The following PTPRN2 variants were observed in gnomAD, a reference collection of about 807,000 sequenced individuals.
PTPRN2 encodes the protein receptor-type tyrosine-protein phosphatase N2.
PTPRN2 carries 74 observed loss-of-function variants against 118.8 expected under a neutral mutation model. The ratio of observed to expected loss-of-function variants is 0.62; its 90% CI spans 0.52 to 0.76. PTPRN2 has a LOEUF of 0.76. Among genes scored for constraint, PTPRN2 ranks in the 30% least tolerant of loss-of-function variants. PTPRN2 has a pLI of 0.00. For missense variants in PTPRN2, 1,481 were observed against 1,394.4 expected, an observed-to-expected ratio of 1.06 and a Z score of -0.99; for synonymous variants, 641 against 608.0, an observed-to-expected ratio of 1.05 and a Z score of -0.80.
At chr7:158,271,778 C>T (rs1798530116) in intron 3 of PTPRN2, among the ~76,000 whole-genome samples, 1 of 152,146 alleles carries the variant, frequency 6.6e-6, no homozygotes, top group African/African-American at 2.4e-5. Context: ...CATCTCACAG[C>T]AGAAGGGGTG....
At chr7:157,877,179 G>A (rs528379765) in intron 12 of PTPRN2, among the ~76,000 whole-genome samples, 1 of 151,022 alleles carries the variant, frequency 6.6e-6, no homozygotes, top group South Asian at 2.1e-4. Flanking sequence ...TGCAGCACCA[G>A]GGTTTCCTCG....
intron 12 of PTPRN2, among the ~76,000 whole-genome samples, chr7:157,797,020 C>A (rs551622483): frequency 2.0e-5 from 3 of 152,228 alleles, no homozygotes; most frequent in Non-Finnish European, 4.4e-5. Context: ...GACGAACTCA[C>A]GGCTCAGCTG....
At chr7:157,600,064 T>C (rs866091461) in intron 16 of PTPRN2, among the ~76,000 whole-genome samples, 112 of 41,532 alleles carry the variant, frequency 2.7e-3, no homozygotes, top group Admixed American at 4.3e-3. Flanking sequence ...TCCACCTGCC[T>C]ACCTCTCCAC....
intron 12 of PTPRN2, among the ~76,000 whole-genome samples, chr7:157,887,070 C>T (rs1218894863): frequency 6.6e-6 from 1 of 152,096 alleles, no homozygotes; most frequent in African/African-American, 2.4e-5. Context: ...TGAGCCCACC[C>T]ATGACAGGCC....
At chr7:158,268,282 C>CA (rs1798018362) in intron 3 of PTPRN2, among the ~76,000 whole-genome samples, 1 of 147,322 alleles carries the variant, frequency 6.8e-6, no homozygotes, top group Non-Finnish European at 1.5e-5. Flanking sequence ...TATCCCAGCC[C>CA]AGACGCGTGC....
chr7:157,619,923 G>A lies in PTPRN2; in HGVS notation c.2344+1439C>T, dbSNP rs528940125. Among the ~76,000 whole-genome samples the A allele has an allele frequency of 6.6e-6, 1 of 152,190 alleles. No homozygotes were observed. The highest frequency in any genetic ancestry group is 2.4e-5 in the African/African-American group (1 of 41,434). On this transcript the variant is annotated intron_variant, in intron 15 of 22. Coordinates refer to ENST00000389418, the MANE Select transcript of PTPRN2 (RefSeq NM_002847.5). The surrounding 1 kb of genome is among the most constrained non-coding windows in gnomAD (Gnocchi z 5.3). ...AGGGTTGAGGCAGGGACACAGTGAC[G>A]GAGAGACGGCCTCGGCCACAGGGGA...
At chr7:157,722,125 C>T (rs531968086) in intron 12 of PTPRN2, among the ~76,000 whole-genome samples, 5 of 152,214 alleles carry the variant, frequency 3.3e-5, no homozygotes, top group Admixed American at 2.0e-4. Flanking sequence ...TGGCCCCCAC[C>T]CTCACGTGTC....
chr7:157,950,089 CTTTAAAG>C (rs1009912921), intron 11 of PTPRN2, among the ~76,000 whole-genome samples: 1 of 152,316 alleles, frequency 6.6e-6, no homozygotes, highest in Non-Finnish European at 1.5e-5. Context: ...TAAAATAAAA[CTTTAAAG>C]TTTGTGTTAT....
chr7:158,346,321 G>A (rs1289133702), intron 2 of PTPRN2, among the ~76,000 whole-genome samples: 1 of 152,118 alleles, frequency 6.6e-6, no homozygotes, highest in Non-Finnish European at 1.5e-5. Context: ...GGCGACCTCA[G>A]TTCTACTCTC....
At position 157,779,920 on chromosome 7, in the gene PTPRN2, C is replaced by T. The variant is rs1471392060; in HGVS notation, c.1789-96983G>A. Among the ~76,000 whole-genome samples the T allele has an allele frequency of 4.6e-5, 7 of 152,130 alleles. No individual in the cohort carries two copies. Among genetic ancestry groups the T allele is most frequent in the African/African-American group, 1.4e-4 (6 of 41,416 alleles). ...CGTACAACACGCCGCAAGCAGCCCT[C>T]GAGGAATGGAAAACTCTCAGACTGC... On this transcript the variant is annotated intron_variant, in intron 12 of 22. Transcript: ENST00000389418. The surrounding 1 kb of genome is among the most constrained non-coding windows in gnomAD (Gnocchi z 4.7).
intron 12 of PTPRN2, among the ~76,000 whole-genome samples, chr7:157,747,782 G>A (rs1470841723): frequency 1.6e-5 from 2 of 127,890 alleles, no homozygotes; most frequent in East Asian, 2.7e-4. Flanking sequence ...TGAGGCCTGC[G>A]TCCCTGAGCT....
At position 157,615,343 on chromosome 7, in the gene PTPRN2, C is replaced by A. The variant is rs1465852055; in HGVS notation, c.2344+6019G>T. On this transcript the variant is annotated intron_variant, in intron 15 of 22. Transcript: ENST00000389418. The surrounding 1 kb of genome is among the most constrained non-coding windows in gnomAD (Gnocchi z 4.3). ...GTCTGCGCTGGGGTAGTGTAGGCTG[C>A]ACTCTCCGGGGAGCCGCTGACCTTG... 4.6e-6 allele frequency: 2 copies of A among 430,256 alleles called. No homozygotes were observed. Among genetic ancestry groups the A allele is most frequent in the Non-Finnish European group, 9.7e-6 (2 of 205,266 alleles). 26.7% of individuals were successfully genotyped at this position (430,256 alleles called of 1,614,324 possible).
chr7:158,300,663 A>G (rs1437462818), intron 3 of PTPRN2, among the ~76,000 whole-genome samples: 1 of 139,436 alleles, frequency 7.2e-6, no homozygotes, highest in African/African-American at 2.7e-5. Context: ...GCTTGCTGCA[A>G]ACCACAAAGT....
chr7:157,943,022 A>G (rs946908905), intron 11 of PTPRN2, among the ~76,000 whole-genome samples: 3 of 152,154 alleles, frequency 2.0e-5, no homozygotes, highest in Non-Finnish European at 2.9e-5. Flanking sequence ...GCAGGTGTGC[A>G]CAGCAGGAGG....
At chr7:158,458,741 A>G (rs1259003725) in intron 2 of PTPRN2, among the ~76,000 whole-genome samples, 3 of 152,156 alleles carry the variant, frequency 2.0e-5, no homozygotes, top group East Asian at 1.9e-4. Context: ...CGGTACCCCC[A>G]TAACACCAGG....
At chr7:157,716,678 C>T (rs34731609) in intron 12 of PTPRN2, among the ~76,000 whole-genome samples, 1 of 64,642 alleles carries the variant, frequency 1.5e-5, no homozygotes, top group Admixed American at 1.4e-4. Context: ...GTAGACTCTG[C>T]GGGAACACTG....
intron 12 of PTPRN2, among the ~76,000 whole-genome samples, chr7:157,775,689 CGGAGCCT>C (rs367599470): frequency 1.3e-5 from 2 of 152,286 alleles, no homozygotes; most frequent in African/African-American, 4.8e-5. Context: ...AAGGGCAGGA[CGGAGCCT>C]GGACGGAAGC....
intron 2 of PTPRN2, among the ~76,000 whole-genome samples, chr7:158,419,247 C>T (rs1467544423): frequency 6.6e-6 from 1 of 152,050 alleles, no homozygotes; most frequent in African/African-American, 2.4e-5. Flanking sequence ...GAAATTAGAC[C>T]CAGATGCTAT....
chr7:158,088,390 T>C (rs192286584), intron 10 of PTPRN2, among the ~76,000 whole-genome samples: 1 of 19,572 alleles, frequency 5.1e-5, no homozygotes, highest in African/African-American at 9.5e-5. Context: ...CTTCCCCTGA[T>C]GAAAGAGGGA....
Sources: gnomAD v4.1 joint callset for allele counts (sites outside exome capture counted in the v4.1 genomes callset) on GRCh38, gnomAD v4.1.1 for gene constraint, Gnocchi (gnomAD v3.1) non-coding constraint, MANE v1.5 for transcripts, NCBI Gene and HGNC (gene_info 2026-07-23, HGNC 2026-07-21) for gene names.